Variants in CTIF observed in about 807,000 individuals in gnomAD.
The protein encoded by CTIF is cap binding complex dependent translation initiation factor.
A neutral mutation model predicts 66.0 loss-of-function variants in CTIF; 21 were observed. The ratio of observed to expected loss-of-function variants is 0.32; its 90% confidence interval spans 0.23 to 0.46. CTIF has a LOEUF of 0.46. CTIF is among the 20% of genes least tolerant of loss of function. The probability of loss-of-function intolerance (pLI) is 1.00; values close to 1 mark genes in which losing one functional copy is unlikely to be tolerated. For synonymous variants in CTIF, 345 were observed against 326.4 expected, an observed-to-expected ratio of 1.06 and a Z score of -0.62; for missense variants, 739 against 812.7, an observed-to-expected ratio of 0.91 and a Z score of 1.10.
At chr18:48,826,471 C>A (rs1169827456) in intron 10 of CTIF, 5 of 152,330 alleles carry the variant, frequency 3.3e-5, no homozygotes, top group Non-Finnish European at 5.9e-5. Context: ...TCTTGCCCAC[C>A]TTCAGGGCCG....
Position 48,730,869 on chromosome 18 carries a change from G to A in CTIF, c.584+19174G>A, listed in dbSNP as rs144551687. Among the ~76,000 whole-genome samples the A allele has an allele frequency of 1.5e-4, 23 of 151,766 alleles. No individual in the cohort carries two copies. The East Asian group carries it at 2.9e-3, about 19-fold the overall frequency. On this transcript the variant is annotated intron_variant, in intron 7 of 11. Transcript: ENST00000256413. Reference sequence around the variant, plus strand: ...ACCCCCGCAGCATGAGGGGCCTCCCGCAGTGTGAGGGGCTTCCACAGTGGA... The same window carrying A: ...ACCCCCGCAGCATGAGGGGCCTCCCACAGTGTGAGGGGCTTCCACAGTGGA...
chr18:48,689,788 G>A (rs375132253), intron 6 of CTIF, among the ~76,000 whole-genome samples: 1 of 152,282 alleles, frequency 6.6e-6, no homozygotes, highest in African/African-American at 2.4e-5. Flanking sequence ...GACTTTCAGG[G>A]AAGAAAAGGT....
At chr18:48,858,774 C>T (rs918136128) in intron 11 of CTIF, among the ~76,000 whole-genome samples, 3 of 152,118 alleles carry the variant, frequency 2.0e-5, no homozygotes, top group Admixed American at 6.5e-5. Flanking sequence ...TTTCTCTCCC[C>T]CACTTCCTGT....
chr18:48,688,274 C>G (rs1035605576), intron 6 of CTIF: 1 of 152,260 alleles, frequency 6.6e-6, no homozygotes, highest in Admixed American at 6.5e-5. Flanking sequence ...CCTTTTCCAG[C>G]AGATCACCTG....
At chr18:48,712,888 C>T (rs1192244872) in intron 7 of CTIF, among the ~76,000 whole-genome samples, 1 of 152,206 alleles carries the variant, frequency 6.6e-6, no homozygotes, top group Non-Finnish European at 1.5e-5. Context: ...TTAAGTGGAT[C>T]TGAACACATT....
intron 6 of CTIF, among the ~76,000 whole-genome samples, chr18:48,687,289 A>G (rs1378913331): frequency 7.0e-6 from 1 of 143,352 alleles, no homozygotes; most frequent in Non-Finnish European, 1.5e-5. Context: ...CTGTTGTTCA[A>G]AGAACTCTAG....
chr18:48,622,696 G>A (rs2090518735), intron 2 of CTIF, among the ~76,000 whole-genome samples: 1 of 152,158 alleles, frequency 6.6e-6, no homozygotes, highest in Admixed American at 6.5e-5. Flanking sequence ...AGGATAGATT[G>A]GAAAATTGTA....
chr18:48,539,717 G>C (rs1487796935), intron 1 of CTIF: 5 of 152,732 alleles, frequency 3.3e-5, no homozygotes, highest in African/African-American at 1.2e-4. Context: ...CCTGGGAGGA[G>C]GAAAAGAGCG....
intron 6 of CTIF, among the ~76,000 whole-genome samples, chr18:48,685,459 A>G (rs1166346339): frequency 6.6e-6 from 1 of 151,774 alleles, no homozygotes; most frequent in Non-Finnish European, 1.5e-5. Context: ...CTGACATCAG[A>G]TGATCCGCCT....
At chr18:48,551,565 T>G (rs2088882149) in intron 1 of CTIF, among the ~76,000 whole-genome samples, 1 of 152,132 alleles carries the variant, frequency 6.6e-6, no homozygotes, top group Non-Finnish European at 1.5e-5. Context: ...ACCCCCTAAG[T>G]GTATTTCATC....
chr18:48,585,617 C>T (rs1568050804), intron 1 of CTIF, among the ~76,000 whole-genome samples: 2 of 152,322 alleles, frequency 1.3e-5, no homozygotes, highest in Admixed American at 6.5e-5. Context: ...TCCTCCAAAA[C>T]TCTTTGAAGA....
intron 7 of CTIF, among the ~76,000 whole-genome samples, chr18:48,727,775 C>T (rs867261424): frequency 1.2e-4 from 19 of 152,182 alleles, no homozygotes; most frequent in Non-Finnish European, 1.6e-4. Flanking sequence ...GAGGCAGCAC[C>T]GCTGAACTTT....
chr18:48,860,506 T>C lies in CTIF; in HGVS notation c.*947T>C, dbSNP rs1258156217. On this transcript the variant is annotated 3_prime_UTR_variant, in exon 12 of 12. Transcript: ENST00000256413. ...CCTCGCCACTGGCTTCCAGCGCCTC[T>C]GTTTTCTCAAAGGGCTGATACTGTC... The C allele has an allele frequency of 6.4e-6, 1 of 155,456 alleles. No homozygotes were observed. The highest frequency in any genetic ancestry group is 6.3e-5 in the Admixed American group (1 of 15,978). The allele number at this position is 155,456 out of a possible 1,614,324, so 9.6% of individuals were successfully genotyped here.
intron 9 of CTIF, among the ~76,000 whole-genome samples, chr18:48,771,353 C>T (rs762128050): frequency 1.3e-5 from 2 of 152,220 alleles, no homozygotes; most frequent in Non-Finnish European, 2.9e-5. Context: ...AGCTGGCTGG[C>T]TCCAGGAGCT....
At chr18:48,681,410 C>T (rs752002916) in intron 6 of CTIF, among the ~76,000 whole-genome samples, 7 of 151,820 alleles carry the variant, frequency 4.6e-5, no homozygotes, top group Admixed American at 1.3e-4. Flanking sequence ...AGAGTGGGGC[C>T]CCCAGCTGGA....
At chr18:48,791,477 G>A (rs2067790737) in intron 9 of CTIF, among the ~76,000 whole-genome samples, 1 of 152,162 alleles carries the variant, frequency 6.6e-6, no homozygotes, top group East Asian at 1.9e-4. Flanking sequence ...GCCCAGGGTT[G>A]GGCAGCCTCT....
intron 6 of CTIF, among the ~76,000 whole-genome samples, chr18:48,677,053 G>GC (rs1290096466): frequency 2.0e-5 from 3 of 152,146 alleles, no homozygotes; most frequent in African/African-American, 7.2e-5. Context: ...AGCCTCTGTA[G>GC]CCGGGTTCCC....
At chr18:48,811,369 C>A (rs1035072937) in intron 9 of CTIF, among the ~76,000 whole-genome samples, 3 of 151,938 alleles carry the variant, frequency 2.0e-5, no homozygotes, top group African/African-American at 7.3e-5. Flanking sequence ...ATTTTGTTGG[C>A]CATAACATGC....
At chr18:48,558,521 A>G (rs1212971060) in intron 1 of CTIF, among the ~76,000 whole-genome samples, 2 of 152,356 alleles carry the variant, frequency 1.3e-5, no homozygotes, top group East Asian at 3.9e-4. Flanking sequence ...TGTAACAAAT[A>G]TGGGTTCCTA....
Sources: gnomAD v4.1 joint callset for allele counts (sites outside exome capture counted in the v4.1 genomes callset) on GRCh38, gnomAD v4.1.1 for gene constraint, MANE v1.5 for transcripts, NCBI Gene and HGNC (gene_info 2026-07-23, HGNC 2026-07-21) for gene names.